The following SDK2 variants were observed in gnomAD, a reference collection of about 807,000 sequenced individuals.
The protein encoded by SDK2 is sidekick cell adhesion molecule 2, also known as protein sidekick-2.
SDK2 carries 105 observed loss-of-function variants against 253.9 expected under a neutral mutation model. The ratio of observed to expected loss-of-function variants is 0.41; its 90% CI spans 0.35 to 0.49. The LOEUF is 0.49. SDK2 is among the 20% of genes least tolerant of loss of function. The pLI is 0.06. For missense variants in SDK2, 2,608 were observed against 3,003.0 expected (o/e 0.87, Z 3.07); for synonymous variants, 1,249 against 1,234.9 (o/e 1.01, Z -0.24).
intron 32 of SDK2, among the ~76,000 whole-genome samples, chr17:73,385,256 A>G (rs921941554): frequency 6.6e-6 from 1 of 152,192 alleles, no homozygotes; most frequent in Non-Finnish European, 1.5e-5. Flanking sequence ...ACCCATGAGC[A>G]GCCTGGTCGC....
chr17:73,422,263 C>T (rs779523362), intron 15 of SDK2, 24 bp downstream of exon 15: 5 of 1,612,778 alleles, frequency 3.1e-6, no homozygotes, highest in Admixed American at 3.3e-5. Context: ...TGGCGACGCC[C>T]CTGTAGAGCG....
At chr17:73,592,724 C>G (rs1005888078) in intron 1 of SDK2, among the ~76,000 whole-genome samples, 2 of 152,192 alleles carry the variant, frequency 1.3e-5, no homozygotes, top group Non-Finnish European at 2.9e-5. Context: ...GAAGACGGAA[C>G]AGTCAGGCAC....
At chr17:73,585,428 G>T (rs369286236) in intron 1 of SDK2, among the ~76,000 whole-genome samples, 1 of 152,212 alleles carries the variant, frequency 6.6e-6, no homozygotes, top group East Asian at 1.9e-4. Context: ...TCCCCCGGAG[G>T]GGGTGTTAAA....
intron 12 of SDK2, among the ~76,000 whole-genome samples, chr17:73,425,790 A>G (rs2063276847): frequency 6.6e-6 from 1 of 151,216 alleles, no homozygotes; most frequent in Non-Finnish European, 1.5e-5. Flanking sequence ...TACAGGTGTG[A>G]GCCACCACGC....
chr17:73,481,649 G>A lies in SDK2; in HGVS notation c.225-9431C>T, dbSNP rs2063724910. ...GGACGGAACCATCCAATCCACTGAG[G>A]GCTCGGATGGCACAAAAAGGCGGAG... On this transcript the variant is annotated intron_variant, in intron 2 of 44. Coordinates refer to ENST00000392650, the MANE Select transcript of SDK2 (RefSeq NM_001144952.2). The surrounding 1 kb of genome is among the most constrained non-coding windows in gnomAD (Gnocchi z 4.5). 6.6e-6 allele frequency among the ~76,000 whole-genome samples: 1 copy of A among 152,174 alleles called. No homozygotes were observed. Among genetic ancestry groups the A allele is most frequent in the South Asian group, 2.1e-4 (1 of 4,830 alleles).
intron 1 of SDK2, among the ~76,000 whole-genome samples, chr17:73,581,026 T>A (rs145718998): frequency 5.9e-5 from 9 of 151,830 alleles, no homozygotes; most frequent in Non-Finnish European, 1.3e-4. Context: ...TGGGACCACA[T>A]GCCCAGCTAA....
intron 1 of SDK2, among the ~76,000 whole-genome samples, chr17:73,514,591 C>T (rs1485345135): frequency 6.6e-6 from 1 of 152,164 alleles, no homozygotes; most frequent in Non-Finnish European, 1.5e-5. Flanking sequence ...TGGCTTCTGC[C>T]AGCCACCTAA....
chr17:73,398,025 G>GT lies in SDK2; in HGVS notation c.3354+9_3354+10insA, dbSNP rs2062986155. ...GAGAGGTCCCACCCCTGCCCTCGAG[G>GT]GAGCCTTACCATCCAGCGCAGCCAC... On this transcript the variant is annotated intron_variant, in intron 24 of 44. Transcript: ENST00000392650. 1 of 1,609,412 alleles carries GT rather than the reference G, an allele frequency of 6.2e-7. No homozygotes were observed. Among genetic ancestry groups the GT allele is most frequent in the African/African-American group, 1.3e-5 (1 of 74,922 alleles).
chr17:73,339,048 T>C (rs1481306238), intron 44 of SDK2, 108 bp from the exon 45 acceptor site: 2 of 988,720 alleles, frequency 2.0e-6, no homozygotes, highest in Non-Finnish European at 3.1e-6. Flanking sequence ...GCTCTGCCTC[T>C]TTCAAGACTT....
intron 18 of SDK2, among the ~76,000 whole-genome samples, chr17:73,412,843 G>A (rs1328434443): frequency 6.6e-6 from 1 of 152,122 alleles, no homozygotes; most frequent in Non-Finnish European, 1.5e-5. Context: ...GCTTGAACAT[G>A]GGAGGTGGAG....
intron 1 of SDK2, among the ~76,000 whole-genome samples, chr17:73,573,305 A>G (rs1487512735): frequency 6.6e-6 from 1 of 152,176 alleles, no homozygotes; most frequent in Non-Finnish European, 1.5e-5. Context: ...GAGGAGCCTC[A>G]GAGCTCCAGC....
chr17:73,435,438 G>A lies in SDK2; in HGVS notation c.1195+12C>T, dbSNP rs1180081123. ...GGGGCTCACGGGCAGCACAAGGGAA[G>A]GCCCAACTTACTGGTGACAGCCAGG... is the stretch of plus-strand genomic sequence containing the variant. On this transcript the variant is annotated intron_variant, in intron 9 of 44. Transcript: ENST00000392650. This position sits in a 1 kb window ranked among gnomAD's most constrained non-coding sequence, Gnocchi z 5.7. 1.3e-6 allele frequency: 2 copies of A among 1,579,990 alleles called. No individual in the cohort carries two copies. The highest frequency in any genetic ancestry group is 1.7e-6 in the Non-Finnish European group (2 of 1,161,734).
intron 9 of SDK2, among the ~76,000 whole-genome samples, chr17:73,434,879 C>T (rs966439652): frequency 6.6e-6 from 1 of 152,164 alleles, no homozygotes; most frequent in African/African-American, 2.4e-5. Flanking sequence ...ATCCACCCCC[C>T]TCGACCTCCC....
intron 1 of SDK2, among the ~76,000 whole-genome samples, chr17:73,538,207 C>T (rs2044810960): frequency 1.3e-5 from 2 of 152,218 alleles, no homozygotes; most frequent in Non-Finnish European, 2.9e-5. Flanking sequence ...CACGGTTGTG[C>T]TGATTTTATA....
chr17:73,640,828 C>A (rs1473145908), intron 1 of SDK2, among the ~76,000 whole-genome samples: 3 of 152,164 alleles, frequency 2.0e-5, no homozygotes, highest in Admixed American at 6.5e-5. Flanking sequence ...TGTTCTCCCC[C>A]CAGGCATGAT....
At chr17:73,514,268 C>T (rs2064004935) in intron 1 of SDK2, among the ~76,000 whole-genome samples, 1 of 152,170 alleles carries the variant, frequency 6.6e-6, no homozygotes, top group South Asian at 2.1e-4. Flanking sequence ...CAAGAGGCCT[C>T]AGCCCGGGGC....
At position 73,643,878 on chromosome 17, in the gene SDK2, G is replaced by A; in HGVS notation, c.64+147C>T. ...AAAGAGCCCCAAAACTTGGGAGATGGGGTGTCTTGAAACTCCCTGGAGAGG... is the reference window on the plus strand; with the variant it reads ...AAAGAGCCCCAAAACTTGGGAGATGAGGTGTCTTGAAACTCCCTGGAGAGG... On this transcript the variant is annotated intron_variant, in intron 1 of 44. Coordinates refer to ENST00000392650, the MANE Select transcript of SDK2 (RefSeq NM_001144952.2). The surrounding 1 kb of genome is among the most constrained non-coding windows in gnomAD (Gnocchi z 6.9). 1.5e-6 allele frequency: 1 copy of A among 656,384 alleles called. No homozygotes were observed. Among genetic ancestry groups the A allele is most frequent in the Non-Finnish European group, 2.6e-6 (1 of 381,938 alleles). 40.7% of individuals were successfully genotyped at this position (656,384 alleles called of 1,614,324 possible). A position where few individuals can be genotyped will look rare whatever the true frequency, so the allele number is the denominator to read the frequency against.
chr17:73,364,603 G>A (rs1222390148), intron 38 of SDK2, among the ~76,000 whole-genome samples: 1 of 152,044 alleles, frequency 6.6e-6, no homozygotes, highest in Non-Finnish European at 1.5e-5. Context: ...GGACCCTCAG[G>A]GGCTCCCCTC....
intron 3 of SDK2, among the ~76,000 whole-genome samples, chr17:73,466,535 G>C (rs138328527): frequency 6.6e-6 from 1 of 152,184 alleles, no homozygotes; most frequent in Admixed American, 6.5e-5. Flanking sequence ...CAGTGGAACT[G>C]CCAGCTGTGG....
Sources: gnomAD v4.1 joint callset for allele counts (sites outside exome capture counted in the v4.1 genomes callset) on GRCh38, gnomAD v4.1.1 for gene constraint, Gnocchi (gnomAD v3.1) non-coding constraint, MANE v1.5 for transcripts, NCBI Gene and HGNC (gene_info 2026-07-23, HGNC 2026-07-21) for gene names.